The following CNNM2 variants were observed in gnomAD, a reference collection of about 807,000 sequenced individuals.
CNNM2 encodes cyclin and CBS domain divalent metal cation transport mediator 2.
In CNNM2, 12 loss-of-function variants were observed where a neutral mutation model predicts 66.9. The ratio of observed to expected loss-of-function variants is 0.18; its 90% CI spans 0.11 to 0.29. The LOEUF (loss-of-function observed/expected upper bound fraction) is 0.29, where lower values mean the gene tolerates loss of function less well. Ranked by LOEUF, CNNM2 falls within the 10% of genes least tolerant of loss-of-function variation. The pLI, the probability that CNNM2 is intolerant of heterozygous loss-of-function variation, is 1.00. For missense variants in CNNM2, 705 were observed against 1,167.7 expected (o/e 0.60, Z 5.77); for synonymous variants, 557 against 501.8 (o/e 1.11, Z -1.47).
At chr10:102,948,869 C>T (rs554304084) in intron 1 of CNNM2, among the ~76,000 whole-genome samples, 5 of 139,510 alleles carry the variant, frequency 3.6e-5, no homozygotes, top group Non-Finnish European at 8.0e-5. Flanking sequence ...ACCAACCCCC[C>T]TTTCAATGAT....
intron 1 of CNNM2, among the ~76,000 whole-genome samples, chr10:103,011,056 A>G (rs1278006947): frequency 6.6e-6 from 1 of 152,222 alleles, no homozygotes; most frequent in Admixed American, 6.5e-5. Context: ...GGGACTATAT[A>G]TCTTTTTATT....
At chr10:103,015,462 T>A (rs1279931761) in intron 1 of CNNM2, among the ~76,000 whole-genome samples, 1 of 127,894 alleles carries the variant, frequency 7.8e-6, no homozygotes, top group Non-Finnish European at 1.8e-5. Flanking sequence ...TAATTTGGAT[T>A]GATTTATAAC....
At chr10:102,962,322 G>A (rs2063395242) in intron 1 of CNNM2, among the ~76,000 whole-genome samples, 1 of 152,092 alleles carries the variant, frequency 6.6e-6, no homozygotes, top group African/African-American at 2.4e-5. Context: ...TCCTGGAAAC[G>A]TAAAATAAAA....
chr10:103,002,193 C>A (rs2064134865), intron 1 of CNNM2, among the ~76,000 whole-genome samples: 1 of 151,988 alleles, frequency 6.6e-6, no homozygotes, highest in Non-Finnish European at 1.5e-5. Flanking sequence ...TGAAAAGAAC[C>A]CACAGAATAT....
intron 1 of CNNM2, among the ~76,000 whole-genome samples, chr10:102,987,025 AAGGG>A (rs1389164647): frequency 1.3e-5 from 2 of 152,096 alleles, no homozygotes; most frequent in African/African-American, 4.8e-5. Context: ...CAACATTGCC[AAGGG>A]AGGGTGTCCC....
At chr10:102,991,406 A>G (rs2063895547) in intron 1 of CNNM2, among the ~76,000 whole-genome samples, 1 of 152,244 alleles carries the variant, frequency 6.6e-6, no homozygotes, top group African/African-American at 2.4e-5. Context: ...ATTGATTAAA[A>G]GGATATTTAT....
intron 1 of CNNM2, among the ~76,000 whole-genome samples, chr10:102,992,043 T>G (rs1247515695): frequency 6.6e-6 from 1 of 152,196 alleles, no homozygotes; most frequent in Non-Finnish European, 1.5e-5. Context: ...ACATACAAAT[T>G]GATATGTACA....
chr10:103,016,483 A>T lies in CNNM2; in HGVS notation c.1622-33224A>T, dbSNP rs2134279105. 1.3e-5 allele frequency among the ~76,000 whole-genome samples: 2 copies of T among 152,002 alleles called. 1 individual carries two copies. Among genetic ancestry groups the T allele is most frequent in the South Asian group, 4.2e-4 (2 of 4,806 alleles). ...TCAGGTCATGTCCCTGCCTTCGTGGATTCAGTATCTAAGTGGGGAGCAGAC... is the reference window on the plus strand; with the variant it reads ...TCAGGTCATGTCCCTGCCTTCGTGGTTTCAGTATCTAAGTGGGGAGCAGAC... On this transcript the variant is annotated intron_variant, in intron 1 of 7. Coordinates refer to ENST00000369878, the MANE Select transcript of CNNM2 (RefSeq NM_017649.5).
chr10:102,988,163 G>T (rs1215462864), intron 1 of CNNM2, among the ~76,000 whole-genome samples: 1 of 152,066 alleles, frequency 6.6e-6, no homozygotes, highest in African/African-American at 2.4e-5. Context: ...TTAGCCGGGA[G>T]TGGTGGTGGG....
chr10:102,942,043 A>C (rs1013898456), intron 1 of CNNM2, among the ~76,000 whole-genome samples: 3 of 152,226 alleles, frequency 2.0e-5, no homozygotes, highest in Admixed American at 2.0e-4. Context: ...TAAGAACCTG[A>C]TACTTTTTGT....
At chr10:103,002,684 G>A (rs1298848397) in intron 1 of CNNM2, among the ~76,000 whole-genome samples, 1 of 152,040 alleles carries the variant, frequency 6.6e-6, no homozygotes, top group Non-Finnish European at 1.5e-5. Flanking sequence ...TCTCCATGTT[G>A]GTCAGACTTG....
chr10:102,986,225 AC>A (rs953175845), intron 1 of CNNM2, among the ~76,000 whole-genome samples: 2 of 152,148 alleles, frequency 1.3e-5, no homozygotes, highest in African/African-American at 4.8e-5. Context: ...CTAGATTATA[AC>A]TGAAATATAA....
At chr10:102,998,940 T>C (rs1047437481) in intron 1 of CNNM2, among the ~76,000 whole-genome samples, 1 of 152,208 alleles carries the variant, frequency 6.6e-6, no homozygotes, top group Admixed American at 6.5e-5. Flanking sequence ...GGTCTTATTC[T>C]GTTGCCCAGG....
rs1046005565 is a variant in CNNM2, at chr10:103,085,961, T to G, written c.*8781T>G. Reference sequence around the variant, plus strand: ...TGAACATGCTGCCTGTTTAAAGGACTTGCTTTCTGCTGTTTCTAGATACCT... The same window carrying G: ...TGAACATGCTGCCTGTTTAAAGGACGTGCTTTCTGCTGTTTCTAGATACCT... On this transcript the variant is annotated 3_prime_UTR_variant, in exon 8 of 8. Coordinates refer to ENST00000369878, the MANE Select transcript of CNNM2 (RefSeq NM_017649.5). 8 of 152,274 alleles carry G rather than the reference T, an allele frequency of 5.3e-5. No individual in the cohort carries two copies. The highest frequency in any genetic ancestry group is 1.9e-4 in the African/African-American group (8 of 41,456). 9.4% of individuals were successfully genotyped at this position (152,274 alleles called of 1,614,324 possible). A position where few individuals can be genotyped will look rare whatever the true frequency, so the allele number is the denominator to read the frequency against.
rs964180858 is a variant in CNNM2, at chr10:103,086,046, A to C, written c.*8866A>C. 1 of 152,428 alleles carries C rather than the reference A, an allele frequency of 6.6e-6. No individual in the cohort carries two copies. The highest frequency in any genetic ancestry group is 2.4e-5 in the African/African-American group (1 of 41,426). 9.4% of individuals were successfully genotyped at this position (152,428 alleles called of 1,614,324 possible). ...TGTTACGGGAGGTGCGTGACGGGGC[A>C]GCGGGGGTTTCTGGAAGTCACCTGT... On this transcript the variant is annotated 3_prime_UTR_variant, in exon 8 of 8. Transcript: ENST00000369878.
intron 5 of CNNM2, among the ~76,000 whole-genome samples, chr10:103,071,340 A>G (rs971535241): frequency 6.6e-6 from 1 of 152,242 alleles, no homozygotes; most frequent in African/African-American, 2.4e-5. Context: ...AAAATGAGCT[A>G]AAGTTGCACA....
chr10:102,975,469 G>GAAAAAAAAAA (rs57482469), intron 1 of CNNM2, among the ~76,000 whole-genome samples: 15 of 119,258 alleles, frequency 1.3e-4, no homozygotes, highest in Admixed American at 2.7e-4. Flanking sequence ...GATGGAATTA[G>GAAAAAAAAAA]AAAAAAAAAA....
intron 1 of CNNM2, among the ~76,000 whole-genome samples, chr10:103,047,892 A>G (rs2065152615): frequency 6.6e-6 from 1 of 152,194 alleles, no homozygotes; most frequent in Admixed American, 6.6e-5. Flanking sequence ...GCTCGTGGCT[A>G]CAAGTCTCCC....
intron 1 of CNNM2, among the ~76,000 whole-genome samples, chr10:102,948,279 G>C (rs1007030052): frequency 6.6e-6 from 1 of 152,256 alleles, no homozygotes; most frequent in Admixed American, 6.5e-5. Context: ...TGCTGTGGGG[G>C]AGAAGTACTT....
Sources: allele counts gnomAD v4.1 joint callset (sites outside exome capture counted in the v4.1 genomes callset), GRCh38; gene constraint gnomAD v4.1.1; transcripts MANE v1.5; gene names NCBI Gene and HGNC (gene_info 2026-07-23, HGNC 2026-07-21).